Variants in TRIM68 observed in about 807,000 individuals in gnomAD.
The protein encoded by TRIM68 is E3 ubiquitin-protein ligase TRIM68.
TRIM68 carries 36 observed loss-of-function variants against 41.9 expected under a neutral mutation model. The observed-to-expected ratio is 0.86, with a 90% confidence interval of 0.66 to 1.14. The LOEUF is 1.14. Ranked by LOEUF, TRIM68 falls within the 50% of genes most tolerant of loss-of-function variation. The pLI, the probability that TRIM68 is intolerant of heterozygous loss-of-function variation, is 0.00. For missense variants in TRIM68, 632 were observed against 605.1 expected (o/e 1.04, Z -0.47); for synonymous variants, 225 against 224.6 (o/e 1.00, Z -0.02).
intron 6 of TRIM68, 75 bp downstream of exon 6, chr11:4,600,952 G>T: frequency 6.4e-7 from 1 of 1,573,378 alleles, no homozygotes; most frequent in Non-Finnish European, 8.7e-7. Flanking sequence ...AGCACCCAGA[G>T]GGCACTGAAC....
intron 4 of TRIM68, 186 bp downstream of exon 4, chr11:4,601,966 C>A (rs1296684773): frequency 3.3e-6 from 3 of 904,278 alleles, no homozygotes; most frequent in African/African-American, 3.3e-5. Context: ...TATGATGCTA[C>A]AACAGACCAG....
In TRIM68 at chr11:4,605,192, G is replaced by A; in HGVS notation, c.313C>T (p.Leu105=). ...GDLCERHGEK[L]KMFCKEDVLI... ...ACATCCTCTTTGCAGAACATCTTCAGCTTTTCCCCATGGCGCTCACACAGG... is the reference window on the plus strand; with the variant it reads ...ACATCCTCTTTGCAGAACATCTTCAACTTTTCCCCATGGCGCTCACACAGG... The change falls in exon 2 of 7, where the codon CTG becomes TTG. Residue 105 remains leucine, a synonymous_variant. Coordinates refer to ENST00000300747, the MANE Select transcript of TRIM68 (RefSeq NM_018073.8). 6.2e-7 allele frequency: 1 copy of A among 1,614,260 alleles called. No individual in the cohort carries two copies. The highest frequency in any genetic ancestry group is 2.2e-5 in the East Asian group (1 of 44,890).
At chr11:4,606,291 C>T (rs764086276) in intron 1 of TRIM68, among the ~76,000 whole-genome samples, 9 of 152,222 alleles carry the variant, frequency 5.9e-5, no homozygotes, top group Non-Finnish European at 1.2e-4. Context: ...GATGAAATCA[C>T]TACACCAGCA....
At position 4,600,763 on chromosome 11, in the gene TRIM68, C is replaced by G; in HGVS notation, c.971G>C (p.Arg324Pro). 3 of 1,614,150 alleles carry G rather than the reference C, an allele frequency of 1.9e-6. No homozygotes were observed. The highest frequency in any genetic ancestry group is 2.5e-6 in the Non-Finnish European group (3 of 1,180,024). Residue 324 changes from arginine (R) to proline (P), a missense_variant, in exon 7 of 7, where the codon CGT becomes CCT. By Grantham distance (103) the Arg-to-Pro change is moderately radical. Coordinates refer to ENST00000300747, the MANE Select transcript of TRIM68 (RefSeq NM_018073.8). ...CTGGTTGGTGTCTCCATAGTGCACA[C>G]GTTTTCTGTCCTCAGACACGATGAG... is the stretch of plus-strand genomic sequence containing the variant. ...SRLIVSEDRK[R>P]VHYGDTNQKL...
rs1263623710 is a variant in TRIM68, at chr11:4,602,424, A to G, written c.523-12T>C. The G allele has an allele frequency of 1.4e-5, 23 of 1,612,038 alleles. No individual in the cohort carries two copies. Among genetic ancestry groups the G allele is most frequent in the Non-Finnish European group, 2.0e-5 (23 of 1,179,150 alleles). Reference sequence around the variant, plus strand: ...GTTTCCACCTGTATCTGTGGAGCCAAGATGGAAATCAGCACTGATACTTTC... The same window carrying G: ...GTTTCCACCTGTATCTGTGGAGCCAGGATGGAAATCAGCACTGATACTTTC... On this transcript the variant is annotated splice_polypyrimidine_tract_variant and intron_variant, in intron 3 of 6. Coordinates refer to ENST00000300747, the MANE Select transcript of TRIM68 (RefSeq NM_018073.8).
In TRIM68 at chr11:4,605,515, C is replaced by T. The variant is rs377216717; in HGVS notation, c.-11G>A. 40 of 1,596,628 alleles carry T rather than the reference C, an allele frequency of 2.5e-5. No individual in the cohort carries two copies. Among genetic ancestry groups the T allele is most frequent in the Admixed American group, 3.4e-5 (2 of 59,228 alleles). ...GGCTGTGGGATCCATGGTTCCTTCT[C>T]ACACCCTCCTCAGAACATGAATGAA... On this transcript the variant is annotated 5_prime_UTR_variant, in exon 2 of 7. Coordinates refer to ENST00000300747, the MANE Select transcript of TRIM68 (RefSeq NM_018073.8).
At chr11:4,605,861 T>G (rs745438493) in intron 1 of TRIM68, among the ~76,000 whole-genome samples, 7 of 152,194 alleles carry the variant, frequency 4.6e-5, no homozygotes, top group Non-Finnish European at 7.3e-5. Flanking sequence ...CCATTACCAC[T>G]CCAATCATGC....
Position 4,602,215 on chromosome 11 carries a change from G to C in TRIM68, c.720C>G (p.Val240=). The part of the protein sequence containing the change: ...NHSELIQQSQ[V]LWRMIAELKE... ...TCAACTCTGCAATCATCCTCCACAG[G>C]ACCTGGCTCTGCTGGATGAGCTCGC... is the stretch of plus-strand genomic sequence containing the variant. The change falls in exon 4 of 7, where the codon GTC becomes GTG. Residue 240 remains valine, a synonymous_variant. Transcript: ENST00000300747. The C allele has an allele frequency of 5.6e-6, 9 of 1,614,100 alleles. No homozygotes were observed. The highest frequency in any genetic ancestry group is 7.6e-6 in the Non-Finnish European group (9 of 1,180,032).
At chr11:4,605,659 T>G (rs886506410) in intron 1 of TRIM68, 98 bp from the exon 2 acceptor site, 1 of 762,884 alleles carries the variant, frequency 1.3e-6, no homozygotes, top group Non-Finnish European at 2.1e-6. Context: ...AAAACCACCT[T>G]CCTTTTGACC....
At chr11:4,603,123 C>T in intron 3 of TRIM68, 122 bp downstream of exon 3, 3 of 950,236 alleles carry the variant, frequency 3.2e-6, no homozygotes, top group Non-Finnish European at 5.0e-6. Flanking sequence ...GGATTAGAAC[C>T]CTAGGCTCTG....
chr11:4,605,097 A>G lies in TRIM68; in HGVS notation c.408T>C (p.Asp136=), dbSNP rs141861633. 6.4e-5 allele frequency: 103 copies of G among 1,613,760 alleles called. No individual in the cohort carries two copies. The African/African-American group carries it at 1.2e-3, about 18-fold the overall frequency. ...HEAHSVVPME[D]VAWEYKWELH... The stretch of plus-strand genomic sequence containing the variant: ...CTCTCACCTTGTACTCCCAGGCAAC[A>G]TCCTCCATTGGCACAACACTGTGGG... Residue 136 remains aspartate (D), a synonymous_variant, in exon 2 of 7, where the codon GAT becomes GAC. Coordinates refer to ENST00000300747, the MANE Select transcript of TRIM68 (RefSeq NM_018073.8).
rs774683739 is a variant in TRIM68, at chr11:4,602,250, A to G, written c.685T>C (p.Leu229=). Residue 229 remains leucine (L), a synonymous_variant, in exon 4 of 7, where the codon TTG becomes CTG. Transcript: ENST00000300747. ...EAAETMQKLE[L]NHSELIQQSQ... is the part of the protein sequence containing the mutation. The stretch of plus-strand genomic sequence containing the variant: ...TGCTGGATGAGCTCGCTATGGTTCA[A>G]CTCCAGTTTCTGCATGGTCTCCGCT... 1.2e-5 allele frequency: 19 copies of G among 1,613,798 alleles called. No homozygotes were observed. The African/African-American group carries it at 2.0e-4, about 17-fold the overall frequency.
rs144009048 is a variant in TRIM68 at position 4,600,381 on chromosome 11, G to T, written c.1353C>A (p.Arg451=). The T allele has an allele frequency of 6.2e-7, 1 of 1,614,126 alleles. No homozygotes were observed. The highest frequency in any genetic ancestry group is 1.3e-5 in the African/African-American group (1 of 75,052). ...DCGSHIFTFP[R]YPFPGRLLPY... is the part of the protein sequence containing the mutation. The stretch of plus-strand genomic sequence containing the variant: ...GCAGGAGGCGCCCAGGGAAGGGATA[G>T]CGGGGGAAAGTGAAGATGTGGGAGC... The change falls in exon 7 of 7, where the codon CGC becomes CGA. Residue 451 remains arginine (R), a synonymous_variant. Coordinates refer to ENST00000300747, the MANE Select transcript of TRIM68 (RefSeq NM_018073.8).
At position 4,600,210 on chromosome 11, in the gene TRIM68, C is replaced by T. The variant is rs113095095; in HGVS notation, c.*66G>A. ...TTTCAGGGGATACCTGTCAGTGGCT[C>T]GGTCCTCCAAGCCCCATGGGGGCCA... is the stretch of plus-strand genomic sequence containing the variant. On this transcript the variant is annotated 3_prime_UTR_variant, in exon 7 of 7. Coordinates refer to ENST00000300747, the MANE Select transcript of TRIM68 (RefSeq NM_018073.8). The T allele has an allele frequency of 2.0e-5, 29 of 1,458,392 alleles. 1 individual carries two copies. The African/African-American group carries it at 3.1e-4, about 16-fold the overall frequency. The allele number at this position is 1,458,392 out of a possible 1,614,324, so 90.3% of individuals were successfully genotyped here.
At chr11:4,603,413 A>C (rs529550604) in intron 2 of TRIM68, 73 bp from the exon 3 acceptor site, 135 of 1,440,446 alleles carry the variant, frequency 9.4e-5, no homozygotes, top group Non-Finnish European at 7.6e-5. Flanking sequence ...GCTATGGGAG[A>C]ACCAGAGTCC....
chr11:4,601,501 A>G, intron 5 of TRIM68, 163 bp downstream of exon 5: 1 of 685,616 alleles, frequency 1.5e-6, no homozygotes, highest in Non-Finnish European at 2.5e-6. Flanking sequence ...AGGAAAGATC[A>G]ACAAAGATTC....
At chr11:4,606,483 C>T (rs186113157) in intron 1 of TRIM68, among the ~76,000 whole-genome samples, 2 of 152,316 alleles carry the variant, frequency 1.3e-5, no homozygotes, top group African/African-American at 2.4e-5. Context: ...CTAAACAGCA[C>T]CTGCAATGCA....
chr11:4,607,461 T>C (rs1216361818), intron 1 of TRIM68, among the ~76,000 whole-genome samples: 2 of 152,118 alleles, frequency 1.3e-5, no homozygotes, highest in Non-Finnish European at 2.9e-5. Flanking sequence ...AAACAATAAA[T>C]GGAAGTTGAT....
At position 4,603,355 on chromosome 11, in the gene TRIM68, A is replaced by T. The variant is rs1589849397; in HGVS notation, c.427-15T>A. 6 of 1,613,600 alleles carry T rather than the reference A, an allele frequency of 3.7e-6. No individual in the cohort carries two copies. Among genetic ancestry groups the T allele is most frequent in the Non-Finnish European group, 5.1e-6 (6 of 1,179,724 alleles). ...TGAAGTTCCCACTGCAAGAGACAAAACCCTCATGAGGCCACCTCCGGCAGC... is the reference window on the plus strand; with the variant it reads ...TGAAGTTCCCACTGCAAGAGACAAATCCCTCATGAGGCCACCTCCGGCAGC... On this transcript the variant is annotated splice_polypyrimidine_tract_variant and intron_variant, in intron 2 of 6. Coordinates refer to ENST00000300747, the MANE Select transcript of TRIM68 (RefSeq NM_018073.8).
Sources: gnomAD v4.1 joint callset for allele counts (sites outside exome capture counted in the v4.1 genomes callset) on GRCh38, gnomAD v4.1.1 for gene constraint, MANE v1.5 for transcripts, NCBI Gene and HGNC (gene_info 2026-07-23, HGNC 2026-07-21) for gene names.